The following CHD3 variants were observed in gnomAD, a reference collection of about 807,000 sequenced individuals.
CHD3 encodes the protein ATP-dependent chromatin remodeler CHD3.
In CHD3, 52 loss-of-function variants were observed where a neutral mutation model predicts 248.9. The ratio of observed to expected loss-of-function variants is 0.21; its 90% confidence interval spans 0.17 to 0.26. The LOEUF (loss-of-function observed/expected upper bound fraction) is 0.26, where lower values mean the gene tolerates loss of function less well. Ranked by LOEUF, CHD3 falls within the 10% of genes least tolerant of loss-of-function variation. The pLI is 1.00. For missense variants in CHD3, 1,482 were observed against 2,605.8 expected (o/e 0.57, Z 9.39); for synonymous variants, 985 against 985.2 (o/e 1.00, Z 0.00).
Position 7,907,071 on chromosome 17 carries a change from G to A in CHD3, c.4666+40G>A. ...GGATGGTGGGAGAGACAGAAAGGGA[G>A]CCAGGAGTCAGGGCGGGAGAATCTC... On this transcript the variant is annotated intron_variant, in intron 30 of 39. Transcript: ENST00000330494. This position sits in a 1 kb window ranked among gnomAD's most constrained non-coding sequence, Gnocchi z 4.3. The A allele has an allele frequency of 6.2e-7, 1 of 1,613,906 alleles. No homozygotes were observed. Among genetic ancestry groups the A allele is most frequent in the Non-Finnish European group, 8.5e-7 (1 of 1,179,848 alleles).
chr17:7,884,932 C>G, upstream of CHD3: 3 of 1,391,160 alleles, frequency 2.2e-6, no homozygotes, highest in Non-Finnish European at 2.8e-6. Context: ...CCGACGAGGA[C>G]GATGAGGAGG....
chr17:7,903,777 T>G lies in CHD3; in HGVS notation c.3728-48T>G. On this transcript the variant is annotated intron_variant, in intron 23 of 39. Transcript: ENST00000330494. The surrounding 1 kb of genome is among the most constrained non-coding windows in gnomAD (Gnocchi z 6.8). The stretch of plus-strand genomic sequence containing the variant: ...AGAGTAGAAGCTTTCCCATCAGCCT[T>G]TCTAAACTTTGGAACCCAAAGTTCC... The G allele has an allele frequency of 3.7e-6, 6 of 1,600,500 alleles. No homozygotes were observed. Among genetic ancestry groups the G allele is most frequent in the Non-Finnish European group, 5.1e-6 (6 of 1,169,804 alleles).
chr17:7,895,267 C>G lies in CHD3; in HGVS notation c.1504-72C>G. 1 of 1,588,460 alleles carries G rather than the reference C, an allele frequency of 6.3e-7. No homozygotes were observed. Among genetic ancestry groups the G allele is most frequent in the Non-Finnish European group, 8.6e-7 (1 of 1,163,488 alleles). On this transcript the variant is annotated intron_variant, in intron 9 of 39. Coordinates refer to ENST00000330494, the MANE Select transcript of CHD3 (RefSeq NM_001005273.3). This position sits in a 1 kb window ranked among gnomAD's most constrained non-coding sequence, Gnocchi z 4.9. ...GCACTCCCCCACCCTTGTGGGACCC[C>G]TATCTTCTCATCTAACAATGGGTTC...
Position 7,902,430 on chromosome 17 carries a change from T to TA in CHD3, c.3253-175dup, listed in dbSNP as rs1173477687. ...AATGAGACTCCATCTCAAAAAAAAA[T>TA]AAAAATAAATAAAAATAAGAAAAGA... On this transcript the variant is annotated intron_variant, in intron 20 of 39. Coordinates refer to ENST00000330494, the MANE Select transcript of CHD3 (RefSeq NM_001005273.3). Among the ~76,000 whole-genome samples the TA allele has an allele frequency of 3.3e-5, 5 of 150,750 alleles. No homozygotes were observed. The East Asian group carries it at 9.7e-4, about 29-fold the overall frequency.
Position 7,909,524 on chromosome 17 carries a change from C to A in CHD3, c.5590+186C>A. Reference sequence around the variant, plus strand: ...TTTTAGCCTCTAGGACTTGTGCAAGCCAACCCTCATCCATGTCTGATAGCA... The same window carrying A: ...TTTTAGCCTCTAGGACTTGTGCAAGACAACCCTCATCCATGTCTGATAGCA... On this transcript the variant is annotated intron_variant, in intron 37 of 39. Coordinates refer to ENST00000330494, the MANE Select transcript of CHD3 (RefSeq NM_001005273.3). This position sits in a 1 kb window ranked among gnomAD's most constrained non-coding sequence, Gnocchi z 8.1. 1.2e-6 allele frequency: 1 copy of A among 816,396 alleles called. No individual in the cohort carries two copies. Among genetic ancestry groups the A allele is most frequent in the Non-Finnish European group, 1.8e-6 (1 of 543,244 alleles). 50.6% of individuals were successfully genotyped at this position (816,396 alleles called of 1,614,324 possible). A position where few individuals can be genotyped will look rare whatever the true frequency, so the allele number is the denominator to read the frequency against.
Position 7,910,393 on chromosome 17 carries a change from C to A in CHD3, c.5591-35C>A. On this transcript the variant is annotated intron_variant, in intron 37 of 39. Transcript: ENST00000330494. The surrounding 1 kb of genome is among the most constrained non-coding windows in gnomAD (Gnocchi z 4.7). The stretch of plus-strand genomic sequence containing the variant: ...TCCATCTCTGTATTTCCCTGTCTTT[C>A]TCTTGCCCTTCTTTCTCTGTGGCCC... 6.2e-7 allele frequency: 1 copy of A among 1,613,918 alleles called. No homozygotes were observed. The highest frequency in any genetic ancestry group is 8.5e-7 in the Non-Finnish European group (1 of 1,179,866).
rs548363002 is a variant in CHD3 at position 7,912,110 on chromosome 17, C to T, written c.*525C>T. On this transcript the variant is annotated 3_prime_UTR_variant, in exon 40 of 40. Transcript: ENST00000330494. ...AGGGGTGGCTGCATGTTACCGTCCC[C>T]TACCTCTCCCCACGTGGAGGGTGGA... 3 of 245,286 alleles carry T rather than the reference C, an allele frequency of 1.2e-5. No individual in the cohort carries two copies. The East Asian group carries it at 4.2e-4, about 35-fold the overall frequency. The allele number at this position is 245,286 out of a possible 1,614,324, so 15.2% of individuals were successfully genotyped here. A position where few individuals can be genotyped will look rare whatever the true frequency, so the allele number is the denominator to read the frequency against.
chr17:7,898,951 A>G lies in CHD3; in HGVS notation c.2152-60A>G, dbSNP rs2151559674. On this transcript the variant is annotated intron_variant, in intron 13 of 39. Coordinates refer to ENST00000330494, the MANE Select transcript of CHD3 (RefSeq NM_001005273.3). The stretch of plus-strand genomic sequence containing the variant: ...TGGTATCCATGCCAGGGAGGAAGAG[A>G]CTAAGACTGGAGGAGCCGCCGACTA... 9 of 1,440,856 alleles carry G rather than the reference A, an allele frequency of 6.2e-6. No individual in the cohort carries two copies. The South Asian group carries it at 1.0e-4, about 17-fold the overall frequency. 89.3% of individuals were successfully genotyped at this position (1,440,856 alleles called of 1,614,324 possible).
At position 7,907,642 on chromosome 17, in the gene CHD3, T is replaced by C. The variant is rs1338713537; in HGVS notation, c.4966T>C (p.Leu1656=). The C allele has an allele frequency of 6.5e-7, 1 of 1,528,614 alleles. No homozygotes were observed. Among genetic ancestry groups the C allele is most frequent in the East Asian group, 2.3e-5 (1 of 42,984 alleles). 94.7% of individuals were successfully genotyped at this position (1,528,614 alleles called of 1,614,324 possible). The change falls in exon 33 of 40, where the codon TTG becomes CTG. Residue 1656 remains leucine (L), a synonymous_variant. Transcript: ENST00000330494. This position sits in a 1 kb window ranked among gnomAD's most constrained non-coding sequence, Gnocchi z 4.3. ...TPGERGEEKP[L]DGQEHRERPE... is the part of the protein sequence containing the mutation. ...AGGAGAAAGGGGGGAGGAGAAGCCG[T>C]TGGATGGACAGGAACACAGGGAGAG...
chr17:7,890,796 G>A (rs1968741196), intron 3 of CHD3, 55 bp downstream of exon 3: 2 of 1,582,244 alleles, frequency 1.3e-6, no homozygotes, highest in East Asian at 4.5e-5. Flanking sequence ...CGGGCATGAG[G>A]AGGGGAGGAA....
Position 7,903,683 on chromosome 17 carries a change from A to C in CHD3, c.3728-142A>C. On this transcript the variant is annotated intron_variant, in intron 23 of 39. Transcript: ENST00000330494. The surrounding 1 kb of genome is among the most constrained non-coding windows in gnomAD (Gnocchi z 6.8). ...CTTTGCCTGTAGGGTTAAAACAAAC[A>C]AAACAAAAACCTTTCAACATTGGCT... 5 of 1,115,816 alleles carry C rather than the reference A, an allele frequency of 4.5e-6. No individual in the cohort carries two copies. In the South Asian group the frequency reaches 8.2e-5, roughly 18 times the overall value. 69.1% of individuals were successfully genotyped at this position (1,115,816 alleles called of 1,614,324 possible).
chr17:7,904,281 C>A lies in CHD3; in HGVS notation c.3895-161C>A. The A allele has an allele frequency of 1.5e-6, 1 of 665,688 alleles. No homozygotes were observed. The highest frequency in any genetic ancestry group is 2.6e-6 in the Non-Finnish European group (1 of 385,480). The allele number at this position is 665,688 out of a possible 1,614,324, so 41.2% of individuals were successfully genotyped here. A position where few individuals can be genotyped will look rare whatever the true frequency, so the allele number is the denominator to read the frequency against. On this transcript the variant is annotated intron_variant, in intron 24 of 39. Transcript: ENST00000330494. The surrounding 1 kb of genome is among the most constrained non-coding windows in gnomAD (Gnocchi z 4.4). ...AGAGCACATTGCAGGTAAGAGATGG[C>A]ATGGAACATGCGCAATGTCCAGAAA...
chr17:7,910,262 T>G lies in CHD3; in HGVS notation c.5591-166T>G. On this transcript the variant is annotated intron_variant, in intron 37 of 39. Transcript: ENST00000330494. The surrounding 1 kb of genome is among the most constrained non-coding windows in gnomAD (Gnocchi z 4.7). ...TCCCCTGAGTTGCTTCTGTTTTCCA[T>G]CTACTTCTTTTACTTTCTTGATCTC... 1.2e-6 allele frequency: 1 copy of G among 821,292 alleles called. No individual in the cohort carries two copies. Among genetic ancestry groups the G allele is most frequent in the East Asian group, 2.6e-5 (1 of 38,756 alleles). The allele number at this position is 821,292 out of a possible 1,614,324, so 50.9% of individuals were successfully genotyped here. A position where few individuals can be genotyped will look rare whatever the true frequency, so the allele number is the denominator to read the frequency against.
At chr17:7,890,763 G>C in intron 3 of CHD3, 22 bp downstream of exon 3, 1 of 1,589,528 alleles carries the variant, frequency 6.3e-7, no homozygotes, top group Non-Finnish European at 8.6e-7. Context: ...TAGGGAATGA[G>C]AGTGAGAAAT....
At position 7,908,616 on chromosome 17, in the gene CHD3, G is replaced by A; in HGVS notation, c.5262-81G>A. 1 of 1,596,504 alleles carries A rather than the reference G, an allele frequency of 6.3e-7. No individual in the cohort carries two copies. The highest frequency in any genetic ancestry group is 8.6e-7 in the Non-Finnish European group (1 of 1,165,870). Reference sequence around the variant, plus strand: ...CAGGGCTAGTGCCACACTTTGGGGAGTCAAGCCAAAAGGAAGAAGTGTTCA... The same window carrying A: ...CAGGGCTAGTGCCACACTTTGGGGAATCAAGCCAAAAGGAAGAAGTGTTCA... On this transcript the variant is annotated intron_variant, in intron 35 of 39. Coordinates refer to ENST00000330494, the MANE Select transcript of CHD3 (RefSeq NM_001005273.3). The surrounding 1 kb of genome is among the most constrained non-coding windows in gnomAD (Gnocchi z 5.8).
In CHD3 at chr17:7,908,125, T is replaced by C. The variant is rs1411040655; in HGVS notation, c.5152+106T>C. ...CCTGCTACCTTTAATTCCAAGTAAC[T>C]TCCAATGAAGTATGTTGCATGCTGA... On this transcript the variant is annotated intron_variant, in intron 34 of 39. Transcript: ENST00000330494. The surrounding 1 kb of genome is among the most constrained non-coding windows in gnomAD (Gnocchi z 5.8). 1.5e-6 allele frequency: 2 copies of C among 1,364,944 alleles called. No homozygotes were observed. Among genetic ancestry groups the C allele is most frequent in the African/African-American group, 2.9e-5 (2 of 68,716 alleles). The allele number at this position is 1,364,944 out of a possible 1,614,324, so 84.6% of individuals were successfully genotyped here.
In CHD3 at chr17:7,889,351, C is replaced by T. The variant is rs1465878846; in HGVS notation, c.100+251C>T. On this transcript the variant is annotated intron_variant, in intron 1 of 39. Transcript: ENST00000330494. The surrounding 1 kb of genome is among the most constrained non-coding windows in gnomAD (Gnocchi z 4.5). The stretch of plus-strand genomic sequence containing the variant: ...AAGTGAGGGGGAAGGCAGGAGGAGC[C>T]CTGGCGGTGACTGAAAGGACCTGCC... Among the ~76,000 whole-genome samples, 1 of 152,218 alleles carries T rather than the reference C, an allele frequency of 6.6e-6. No individual in the cohort carries two copies. The highest frequency in any genetic ancestry group is 2.4e-5 in the African/African-American group (1 of 41,460).
At position 7,907,596 on chromosome 17, in the gene CHD3, C is replaced by G; in HGVS notation, c.4925-5C>G. The G allele has an allele frequency of 1.3e-6, 2 of 1,510,768 alleles. No homozygotes were observed. The highest frequency in any genetic ancestry group is 8.8e-7 in the Non-Finnish European group (1 of 1,131,714). 93.6% of individuals were successfully genotyped at this position (1,510,768 alleles called of 1,614,324 possible). A position where few individuals can be genotyped will look rare whatever the true frequency, so the allele number is the denominator to read the frequency against. ...TCCCTTCCTATCCCCTACCCCCTCC[C>G]ACAGCCACAGAGTCGACGCCAGGAG... On this transcript the variant is annotated splice_region_variant and splice_polypyrimidine_tract_variant and intron_variant, in intron 32 of 39. Transcript: ENST00000330494. This position sits in a 1 kb window ranked among gnomAD's most constrained non-coding sequence, Gnocchi z 4.3.
rs1971436030 is a variant in CHD3, at chr17:7,909,886, A to T, written c.5591-542A>T. On this transcript the variant is annotated intron_variant, in intron 37 of 39. Transcript: ENST00000330494. The surrounding 1 kb of genome is among the most constrained non-coding windows in gnomAD (Gnocchi z 8.1). Reference sequence around the variant, plus strand: ...TATCCCAAAGCCCTCTAACCATCTAATCCTGCCTGGTGTAGTCACTGACTC... The same window carrying T: ...TATCCCAAAGCCCTCTAACCATCTATTCCTGCCTGGTGTAGTCACTGACTC... The T allele has an allele frequency of 5.3e-6, 1 of 189,960 alleles. No homozygotes were observed. Among genetic ancestry groups the T allele is most frequent in the Non-Finnish European group, 1.1e-5 (1 of 91,270 alleles). 11.8% of individuals were successfully genotyped at this position (189,960 alleles called of 1,614,324 possible).
Sources: gnomAD v4.1 joint callset for allele counts (sites outside exome capture counted in the v4.1 genomes callset) on GRCh38, gnomAD v4.1.1 for gene constraint, Gnocchi (gnomAD v3.1) non-coding constraint, MANE v1.5 for transcripts, NCBI Gene and HGNC (gene_info 2026-07-23, HGNC 2026-07-21) for gene names.